LAMA2: variants seen among roughly 807,000 people sequenced by gnomAD.
LAMA2 encodes the protein laminin subunit alpha-2.
Under a neutral mutation model 364.8 loss-of-function variants are expected in LAMA2, and 269 were observed. That is an observed-to-expected ratio of 0.74 (90% CI 0.67 to 0.82). LAMA2 has a LOEUF of 0.82. Ranked by LOEUF, LAMA2 falls within the 40% of genes least tolerant of loss-of-function variation. The probability of loss-of-function intolerance (pLI) is 0.00; values close to 1 mark genes in which losing one functional copy is unlikely to be tolerated. For synonymous variants in LAMA2, 1,379 were observed against 1,370.6 expected (o/e 1.01, Z -0.14); for missense variants, 3,807 against 3,873.2 (o/e 0.98, Z 0.45).
chr6:129,509,159 A>G (rs937980207), intron 62 of LAMA2, among the ~76,000 whole-genome samples: 2 of 152,170 alleles, frequency 1.3e-5, no homozygotes, highest in Non-Finnish European at 2.9e-5. Flanking sequence ...TTCTTTTGAG[A>G]AATGTCTATC....
intron 34 of LAMA2, 25 bp downstream of exon 34, chr6:129,370,015 T>C (rs1478644871): frequency 6.4e-7 from 1 of 1,569,376 alleles, no homozygotes; most frequent in Admixed American, 1.7e-5. Flanking sequence ...TTATGAATCT[T>C]CTGAAAGCAG....
rs946372810 is a variant in LAMA2 at position 129,289,929 on chromosome 6, C to T, written c.2750-1685C>T. On this transcript the variant is annotated intron_variant, in intron 19 of 64. Coordinates refer to ENST00000421865, the MANE Select transcript of LAMA2 (RefSeq NM_000426.4). ...ATAATTTTTCATGGATACAATATCA[C>T]TTCTATGCATAAGTGGTAAAACCTC... Among the ~76,000 whole-genome samples the T allele has an allele frequency of 7.2e-5, 11 of 152,200 alleles. 1 individual carries two copies. The South Asian group carries it at 1.7e-3, about 23-fold the overall frequency.
At chr6:129,509,566 G>A (rs747574817) in intron 62 of LAMA2, among the ~76,000 whole-genome samples, 21 of 152,014 alleles carry the variant, frequency 1.4e-4, no homozygotes, top group East Asian at 7.7e-4. Context: ...TCATTCTTCC[G>A]CATATGAATA....
chr6:129,502,079 G>T lies in LAMA2; in HGVS notation c.8245-580G>T, dbSNP rs141498556. ...TGGCAGTTGAAATGGTGTATGGTGG[G>T]TTACATTTTTAAAATGTGCTGGGTT... is the stretch of plus-strand genomic sequence containing the variant. On this transcript the variant is annotated intron_variant, in intron 58 of 64. Transcript: ENST00000421865. Among the ~76,000 whole-genome samples, 123 of 152,286 alleles carry T rather than the reference G, an allele frequency of 8.1e-4. 1 individual carries two copies. In the East Asian group the frequency reaches 0.023, roughly 28 times the overall value.
At chr6:128,963,615 C>G (rs1015604344) in intron 1 of LAMA2, among the ~76,000 whole-genome samples, 11 of 152,116 alleles carry the variant, frequency 7.2e-5, no homozygotes, top group African/African-American at 2.7e-4. Context: ...CTCAAAACAA[C>G]CAAACACTCC....
chr6:128,940,666 A>T (rs939098230), intron 1 of LAMA2, among the ~76,000 whole-genome samples: 7 of 152,330 alleles, frequency 4.6e-5, no homozygotes, highest in Non-Finnish European at 1.0e-4. Context: ...GAAAGGTTTG[A>T]TAAAGCTGGA....
chr6:129,205,099 C>T (rs764405085), intron 12 of LAMA2, among the ~76,000 whole-genome samples: 22 of 151,826 alleles, frequency 1.4e-4, no homozygotes, highest in Non-Finnish European at 2.8e-4. Context: ...AAAAAAAATC[C>T]AAAGTTATAG....
intron 1 of LAMA2, among the ~76,000 whole-genome samples, chr6:128,988,104 A>G (rs559271639): frequency 6.6e-6 from 1 of 152,226 alleles, no homozygotes; most frequent in Admixed American, 6.5e-5. Flanking sequence ...GACCTCGGGT[A>G]ATCTGCTCGT....
intron 1 of LAMA2, among the ~76,000 whole-genome samples, chr6:128,907,179 A>G (rs1324125721): frequency 1.4e-5 from 2 of 142,906 alleles, no homozygotes; most frequent in East Asian, 2.0e-4. Context: ...GAAGAAAGGC[A>G]TTGGTAGCTT....
At chr6:129,439,825 C>CATATATATATATATATATATATATAT (rs5879948) in intron 42 of LAMA2, among the ~76,000 whole-genome samples, 1 of 123,696 alleles carries the variant, frequency 8.1e-6, no homozygotes. Context: ...ATCAATTGGT[C>CATATATATATATATATATATATATAT]ATATATATAT....
At chr6:129,249,972 C>G in intron 12 of LAMA2, 140 bp from the exon 13 acceptor site, 1 of 692,398 alleles carries the variant, frequency 1.4e-6, no homozygotes, top group Non-Finnish European at 2.6e-6. Flanking sequence ...GCCTATCATT[C>G]CCACTCCGTA....
chr6:129,432,029 A>G (rs1180644417), intron 41 of LAMA2, among the ~76,000 whole-genome samples: 1 of 152,232 alleles, frequency 6.6e-6, no homozygotes, highest in South Asian at 2.1e-4. Flanking sequence ...TATTAAAGAT[A>G]TACTCCTTTT....
intron 37 of LAMA2, among the ~76,000 whole-genome samples, chr6:129,398,085 A>G (rs926571771): frequency 1.3e-5 from 2 of 152,236 alleles, no homozygotes; most frequent in African/African-American, 4.8e-5. Flanking sequence ...TAGCTCTTCA[A>G]TTAACACACG....
chr6:129,297,184 A>G (rs1773237330), intron 20 of LAMA2, among the ~76,000 whole-genome samples: 1 of 152,224 alleles, frequency 6.6e-6, no homozygotes, highest in South Asian at 2.1e-4. Flanking sequence ...GATTAAAAGT[A>G]TTTATGGATA....
At position 129,314,641 on chromosome 6, in the gene LAMA2, T is replaced by A; in HGVS notation, c.3412-14T>A. On this transcript the variant is annotated splice_polypyrimidine_tract_variant and intron_variant, in intron 23 of 64. Transcript: ENST00000421865. ...TGCCGTTATAAACTCTGAGGGTCTCTTGTCTTTCCTCAGGTGAATGTGGAA... is the reference window on the plus strand; with the variant it reads ...TGCCGTTATAAACTCTGAGGGTCTCATGTCTTTCCTCAGGTGAATGTGGAA... 3.1e-6 allele frequency: 5 copies of A among 1,613,056 alleles called. No individual in the cohort carries two copies. The highest frequency in any genetic ancestry group is 4.2e-6 in the Non-Finnish European group (5 of 1,179,808).
At chr6:129,250,040 C>A (rs1786058461) in intron 12 of LAMA2, 72 bp from the exon 13 acceptor site, 2 of 935,772 alleles carry the variant, frequency 2.1e-6, no homozygotes, top group Non-Finnish European at 3.5e-6. Flanking sequence ...AATTCGTATA[C>A]AACAGTAAGT....
chr6:129,165,188 T>G (rs1332667779), intron 8 of LAMA2, among the ~76,000 whole-genome samples: 1 of 145,952 alleles, frequency 6.9e-6, no homozygotes, highest in Non-Finnish European at 1.5e-5. Context: ...ATAATTTAGT[T>G]TTTTTTTTTT....
intron 22 of LAMA2, among the ~76,000 whole-genome samples, chr6:129,305,903 C>G (rs1773838562): frequency 6.6e-6 from 1 of 151,174 alleles, no homozygotes; most frequent in South Asian, 2.1e-4. Flanking sequence ...TTAAATATAC[C>G]TATTCATTTT....
At chr6:129,124,012 G>A (rs1776961739) in intron 4 of LAMA2, among the ~76,000 whole-genome samples, 1 of 152,154 alleles carries the variant, frequency 6.6e-6, no homozygotes, top group South Asian at 2.1e-4. Flanking sequence ...AACTCATTAG[G>A]TTGTATACAT....
Sources: allele counts gnomAD v4.1 joint callset (sites outside exome capture counted in the v4.1 genomes callset), GRCh38; gene constraint gnomAD v4.1.1; transcripts MANE v1.5; gene names NCBI Gene and HGNC (gene_info 2026-07-23, HGNC 2026-07-21).